Variants in ZPBP observed in about 807,000 individuals in gnomAD.
ZPBP encodes the protein zona pellucida-binding protein 1.
ZPBP carries 26 observed loss-of-function variants against 44.8 expected under a neutral mutation model. The observed-to-expected ratio is 0.58, with a 90% CI of 0.43 to 0.81. The LOEUF (loss-of-function observed/expected upper bound fraction) is 0.81, where lower values mean the gene tolerates loss of function less well. Ranked by LOEUF, ZPBP falls within the 30% of genes least tolerant of loss-of-function variation. ZPBP has a pLI of 0.00. For missense variants in ZPBP, 409 were observed against 434.0 expected (o/e 0.94, Z 0.51); for synonymous variants, 174 against 153.2 (o/e 1.14, Z -1.00).
chr7:49,954,722 T>C (rs1795497193), intron 7 of ZPBP, among the ~76,000 whole-genome samples: 1 of 152,156 alleles, frequency 6.6e-6, no homozygotes, highest in Non-Finnish European at 1.5e-5. Context: ...TTACTGAGTT[T>C]CAAATATGTG....
At position 49,983,336 on chromosome 7, in the gene ZPBP, A is replaced by C; in HGVS notation, c.961+6T>G. 6.2e-7 allele frequency: 1 copy of C among 1,612,872 alleles called. No individual in the cohort carries two copies. Among genetic ancestry groups the C allele is most frequent in the Non-Finnish European group, 8.5e-7 (1 of 1,179,188 alleles). ...ATAAAACATGAAATCATAATTCATT[A>C]CATACCACAGCACTCAGGACATTTT... On this transcript the variant is annotated splice_donor_region_variant and intron_variant, in intron 7 of 7. Transcript: ENST00000046087.
At chr7:49,962,916 G>C (rs1795913329) in intron 7 of ZPBP, among the ~76,000 whole-genome samples, 1 of 151,388 alleles carries the variant, frequency 6.6e-6, no homozygotes, top group Admixed American at 6.6e-5. Context: ...GTTTTGTCAA[G>C]ATTAAAATTT....
At chr7:49,863,971 T>C (rs1006991011) in intron 2 of ZPBP, among the ~76,000 whole-genome samples, 5 of 152,246 alleles carry the variant, frequency 3.3e-5, no homozygotes, top group Admixed American at 2.0e-4. Flanking sequence ...CTTTATTTTG[T>C]TTTAAAATAT....
intron 6 of ZPBP, among the ~76,000 whole-genome samples, chr7:49,997,883 T>C (rs1213136329): frequency 6.6e-6 from 1 of 151,348 alleles, no homozygotes. Flanking sequence ...AAGGATCCCA[T>C]TCTTTCTCAA....
intron 3 of ZPBP, among the ~76,000 whole-genome samples, chr7:50,066,421 A>G (rs1024455701): frequency 7.2e-6 from 1 of 138,356 alleles, no homozygotes; most frequent in Non-Finnish European, 1.6e-5. Context: ...CTGTATATTT[A>G]TAGTAGGTAT....
At chr7:49,926,178 T>C (rs1794229228) in intron 1 of ZPBP, among the ~76,000 whole-genome samples, 1 of 152,210 alleles carries the variant, frequency 6.6e-6, no homozygotes, top group Admixed American at 6.5e-5. Flanking sequence ...ATTAGGTGTT[T>C]AGCGATGCTG....
downstream of ZPBP, among the ~76,000 whole-genome samples, chr7:49,933,486 C>T (rs961575731): frequency 6.6e-5 from 10 of 152,218 alleles, no homozygotes; most frequent in Admixed American, 2.0e-4. Flanking sequence ...TTGTGGAAGT[C>T]AGTGTGGAGA....
intron 7 of ZPBP, among the ~76,000 whole-genome samples, chr7:49,960,537 G>C (rs529467507): frequency 1.3e-5 from 2 of 152,064 alleles, no homozygotes; most frequent in South Asian, 4.2e-4. Flanking sequence ...ATATATTTAT[G>C]CAACTTTTTA....
intron 7 of ZPBP, among the ~76,000 whole-genome samples, chr7:49,956,004 T>C (rs1183451474): frequency 2.0e-5 from 3 of 152,186 alleles, no homozygotes; most frequent in Admixed American, 6.5e-5. Context: ...ATTTTGTTGT[T>C]ATGGTCTAAG....
rs1265795850 is a variant in ZPBP at position 49,982,265 on chromosome 7, AT to A, written c.961+1076del. Among the ~76,000 whole-genome samples the A allele has an allele frequency of 1.3e-4, 14 of 111,220 alleles. No homozygotes were observed. In the East Asian group the frequency reaches 2.2e-3, roughly 18 times the overall value. The allele number at this position is 111,220 out of a possible 152,430, so 73.0% of individuals were successfully genotyped here. A position where few individuals can be genotyped will look rare whatever the true frequency, so the allele number is the denominator to read the frequency against. ...ATTATATTATATATTTATATTATAT[AT>A]TATATATAATTTATAATTATACATA... On this transcript the variant is annotated intron_variant, in intron 7 of 7. Coordinates refer to ENST00000046087, the MANE Select transcript of ZPBP (RefSeq NM_007009.3).
At chr7:50,061,288 C>T (rs1453084496) in intron 3 of ZPBP, among the ~76,000 whole-genome samples, 1 of 152,180 alleles carries the variant, frequency 6.6e-6, no homozygotes, top group Non-Finnish European at 1.5e-5. Context: ...CTCCTATTAA[C>T]ATAGTTCTGG....
chr7:49,858,745 A>G (rs1019691765), intron 2 of ZPBP, among the ~76,000 whole-genome samples: 2 of 152,174 alleles, frequency 1.3e-5, no homozygotes, highest in African/African-American at 4.8e-5. Flanking sequence ...AGAGAACACA[A>G]TGCAAGATTA....
At chr7:49,871,957 A>ACACACC (rs1292170214) in intron 2 of ZPBP, among the ~76,000 whole-genome samples, 5 of 107,724 alleles carry the variant, frequency 4.6e-5, no homozygotes, top group African/African-American at 1.7e-4. Context: ...ACACACACAC[A>ACACACC]CCGAGAAAGA....
chr7:50,015,187 G>A (rs1305229519), intron 6 of ZPBP, among the ~76,000 whole-genome samples: 3 of 151,372 alleles, frequency 2.0e-5, no homozygotes, highest in African/African-American at 7.3e-5. Flanking sequence ...TAAACATATT[G>A]CATTAAAAAA....
At chr7:49,952,057 G>T (rs1184656326) in intron 7 of ZPBP, among the ~76,000 whole-genome samples, 1 of 151,850 alleles carries the variant, frequency 6.6e-6, no homozygotes, top group Non-Finnish European at 1.5e-5. Context: ...TTGCCAGGGG[G>T]TAATGGTAGA....
At chr7:49,977,774 C>A (rs1288838309) in intron 7 of ZPBP, among the ~76,000 whole-genome samples, 1 of 152,150 alleles carries the variant, frequency 6.6e-6, no homozygotes, top group African/African-American at 2.4e-5. Context: ...AGCAGAAGCA[C>A]GGGCATCCTA....
chr7:50,017,770 T>C (rs1186937053), intron 6 of ZPBP, among the ~76,000 whole-genome samples: 1 of 152,128 alleles, frequency 6.6e-6, no homozygotes, highest in Non-Finnish European at 1.5e-5. Flanking sequence ...ATGAACAATA[T>C]GTTAAGTATA....
downstream of ZPBP, among the ~76,000 whole-genome samples, chr7:49,848,299 C>T (rs1338359170): frequency 3.9e-5 from 6 of 152,230 alleles, no homozygotes; most frequent in African/African-American, 7.2e-5. Flanking sequence ...GAGCCTCCCA[C>T]GGCAGGGTCT....
At chr7:49,998,110 G>A (rs1481054548) in intron 6 of ZPBP, among the ~76,000 whole-genome samples, 7 of 152,080 alleles carry the variant, frequency 4.6e-5, no homozygotes, top group Admixed American at 1.3e-4. Context: ...TAGAGACAAG[G>A]TTTCACCATA....
Sources: gnomAD v4.1 joint callset for allele counts (sites outside exome capture counted in the v4.1 genomes callset) on GRCh38, gnomAD v4.1.1 for gene constraint, MANE v1.5 for transcripts, NCBI Gene and HGNC (gene_info 2026-07-23, HGNC 2026-07-21) for gene names.